Variants in ARHGAP17 observed in about 807,000 individuals in gnomAD.
ARHGAP17 encodes Rho GTPase activating protein 17.
Under a neutral mutation model 99.5 loss-of-function variants are expected in ARHGAP17, and 57 were observed. The ratio of observed to expected loss-of-function variants is 0.57; its 90% CI spans 0.46 to 0.71. ARHGAP17 has a LOEUF of 0.71. Among genes scored for constraint, ARHGAP17 ranks in the 30% least tolerant of loss-of-function variants. ARHGAP17 has a pLI of 0.00. For synonymous variants in ARHGAP17, 417 were observed against 429.6 expected, an observed-to-expected ratio of 0.97 and a Z score of 0.36; for missense variants, 1,000 against 1,122.4, an observed-to-expected ratio of 0.89 and a Z score of 1.56.
At chr16:24,921,550 G>A (rs1014231205) in intron 19 of ARHGAP17, among the ~76,000 whole-genome samples, 16 of 152,118 alleles carry the variant, frequency 1.1e-4, no homozygotes, top group Admixed American at 6.6e-5. Context: ...GCTTGAAAAC[G>A]CTGGTGCACT....
intron 1 of ARHGAP17, among the ~76,000 whole-genome samples, chr16:25,010,326 G>A (rs1023903701): frequency 5.9e-5 from 9 of 151,980 alleles, no homozygotes; most frequent in African/African-American, 1.9e-4. Flanking sequence ...CTCCTACCTC[G>A]GGCTCTCAAA....
At chr16:24,999,399 T>TTTTATTTATTTATTTA (rs138044912) in intron 1 of ARHGAP17, among the ~76,000 whole-genome samples, 1 of 149,390 alleles carries the variant, frequency 6.7e-6, no homozygotes, top group Non-Finnish European at 1.5e-5. Context: ...TCTACAGGTG[T>TTTTATTTATTTATTTA]TTTATTTATT....
In ARHGAP17 at chr16:24,964,239, C is replaced by T; in HGVS notation, c.531G>A (p.Lys177=). The T allele has an allele frequency of 1.2e-6, 2 of 1,613,798 alleles. No individual in the cohort carries two copies. Among genetic ancestry groups the T allele is most frequent in the Non-Finnish European group, 1.7e-6 (2 of 1,179,898 alleles). ...TATTTCCAGCTTCATCCATCTCTTC[C>T]TTTAGAGTATCTATTTTTGATGGAA... ...QGLPSKIDTL[K]EEMDEAGNKV... The change falls in exon 7 of 20, where the codon AAG becomes AAA. Residue 177 remains lysine, a synonymous_variant. Coordinates refer to ENST00000289968, the MANE Select transcript of ARHGAP17 (RefSeq NM_001006634.3).
In ARHGAP17 at chr16:24,935,625, T is replaced by A. The variant is rs2051119159; in HGVS notation, c.1739A>T (p.Lys580Met). ...SPGDGSPPKP[K>M]DPVSAAVPAP... ...TGGCACAGCTGCAGATACAGGGTCC[T>A]TCGGTTTGGGAGGACTAAGAGGAGT... Residue 580 changes from lysine (K) to methionine (M), a missense_variant, in exon 18 of 20, where the codon AAG (lysine) becomes ATG (methionine). Around this residue, in one of 2 missense-constraint regions of ARHGAP17, gnomAD observed 528 missense variants for 511.4 expected, o/e 1.03. Transcript: ENST00000289968. The A allele has an allele frequency of 6.2e-7, 1 of 1,613,934 alleles. No individual in the cohort carries two copies. The highest frequency in any genetic ancestry group is 8.5e-7 in the Non-Finnish European group (1 of 1,180,036).
At chr16:24,999,328 C>T (rs532552622) in intron 1 of ARHGAP17, among the ~76,000 whole-genome samples, 6 of 152,042 alleles carry the variant, frequency 3.9e-5, no homozygotes, top group African/African-American at 7.2e-5. Context: ...AATTAGTCAT[C>T]GTTTTAAATT....
At chr16:25,003,145 A>G (rs184466237) in intron 1 of ARHGAP17, among the ~76,000 whole-genome samples, 50 of 151,894 alleles carry the variant, frequency 3.3e-4, no homozygotes, top group Admixed American at 2.6e-3. Flanking sequence ...TTGATATTCA[A>G]TGTATAACAA....
intron 3 of ARHGAP17, among the ~76,000 whole-genome samples, chr16:24,971,647 G>C (rs2052367149): frequency 6.6e-6 from 1 of 152,132 alleles, no homozygotes; most frequent in South Asian, 2.1e-4. Context: ...TCTTAATTTG[G>C]CTATCATTCT....
At chr16:24,948,177 C>T (rs1461945289) in intron 13 of ARHGAP17, among the ~76,000 whole-genome samples, 3 of 152,084 alleles carry the variant, frequency 2.0e-5, no homozygotes, top group Non-Finnish European at 2.9e-5. Context: ...GAAAAATCTC[C>T]AAGATGTATT....
Position 24,930,958 on chromosome 16 carries a change from C to T in ARHGAP17, c.2341G>A (p.Gly781Arg). Residue 781 changes from glycine to arginine, a missense_variant, in exon 19 of 20, where the codon GGG becomes AGG. Gly to Arg is a moderately radical substitution (Grantham distance 125). Coordinates refer to ENST00000289968, the MANE Select transcript of ARHGAP17 (RefSeq NM_001006634.3). Reference protein sequence around the residue: ...PSLPAPQTLAGGNPETAQPHA... With the variant: ...PSLPAPQTLARGNPETAQPHA... Reference sequence around the variant, plus strand: ...GGCTGTGCAGTTTCAGGGTTACCCCCTGCCAGGGTCTGAGGAGCTGGCAGA... The same window carrying T: ...GGCTGTGCAGTTTCAGGGTTACCCCTTGCCAGGGTCTGAGGAGCTGGCAGA... The T allele has an allele frequency of 2.5e-6, 4 of 1,613,838 alleles. No homozygotes were observed. Among genetic ancestry groups the T allele is most frequent in the Non-Finnish European group, 3.4e-6 (4 of 1,179,926 alleles).
chr16:24,938,463 C>G (rs746960817), intron 17 of ARHGAP17, among the ~76,000 whole-genome samples: 1 of 152,032 alleles, frequency 6.6e-6, no homozygotes, highest in Non-Finnish European at 1.5e-5. Context: ...ACTAAAAGAG[C>G]CTTTTAAGAA....
In ARHGAP17 at chr16:24,935,459, T is replaced by TGGCTGCTTACCTC. The variant is rs761660993; in HGVS notation, c.1892_1894+10dup. 6.3e-7 allele frequency: 1 copy of TGGCTGCTTACCTC among 1,577,058 alleles called. No individual in the cohort carries two copies. Among genetic ancestry groups the TGGCTGCTTACCTC allele is most frequent in the South Asian group, 1.1e-5 (1 of 87,054 alleles). The stretch of plus-strand genomic sequence containing the variant: ...GCTTCCCTGAGGGCAAGGAGGACGG[T>TGGCTGCTTACCTC]GGCTGCTTACCTCGGCGCAGTGTAT... On this transcript the variant is annotated intron_variant, in intron 18 of 19. Transcript: ENST00000289968.
intron 14 of ARHGAP17, among the ~76,000 whole-genome samples, chr16:24,944,195 C>T (rs2051399370): frequency 6.6e-6 from 1 of 150,448 alleles, no homozygotes; most frequent in Non-Finnish European, 1.5e-5. Flanking sequence ...CGCTTGAACC[C>T]GGAAGATGGA....
intron 1 of ARHGAP17, among the ~76,000 whole-genome samples, chr16:24,992,166 T>C (rs1228998278): frequency 6.6e-6 from 1 of 151,906 alleles, no homozygotes; most frequent in Non-Finnish European, 1.5e-5. Context: ...CCACTGATGG[T>C]TTTTCAGTAA....
chr16:25,015,149 G>GCGCCCTC (rs1304603323), intron 1 of ARHGAP17, 60 bp downstream of exon 1: 150 of 824,066 alleles, frequency 1.8e-4, no homozygotes, highest in Middle Eastern at 1.3e-3. Context: ...TCCCGCCCCC[G>GCGCCCTC]CGCCCTCCGC....
chr16:24,982,990 ATATATATTTTTTTTTTT>A (rs1460542783), intron 1 of ARHGAP17, among the ~76,000 whole-genome samples: 6 of 32,466 alleles, frequency 1.8e-4, no homozygotes, highest in Admixed American at 6.4e-4. Flanking sequence ...ATATATATAT[ATATATATTTTTTTTTTT>A]TTTTTTTTTT....
intron 9 of ARHGAP17, chr16:24,954,945 G>T: frequency 1.7e-6 from 1 of 582,852 alleles, no homozygotes; most frequent in Non-Finnish European, 2.8e-6. Flanking sequence ...ACAGAAGCCT[G>T]AGCGTACCTA....
rs576887585 is a variant in ARHGAP17, at chr16:24,941,949, A to C, written c.1490+38T>G. 2.0e-5 allele frequency: 33 copies of C among 1,613,304 alleles called. No homozygotes were observed. The South Asian group carries it at 3.4e-4, about 17-fold the overall frequency. On this transcript the variant is annotated intron_variant, in intron 16 of 19. Transcript: ENST00000289968. The stretch of plus-strand genomic sequence containing the variant: ...CCAGATACCACGGGTCTAACAACAT[A>C]TTTACTGCTGGTTTGGAAGTGAACG...
At chr16:25,015,075 T>G (rs1597509536) in intron 1 of ARHGAP17, 134 bp downstream of exon 1, 2 of 877,120 alleles carry the variant, frequency 2.3e-6, no homozygotes, top group Admixed American at 5.2e-5. Context: ...CCCGGGCCCG[T>G]GCCCCGCTGG....
At chr16:24,953,160 G>C (rs2051695623) in intron 10 of ARHGAP17, 118 bp from the exon 11 acceptor site, 1 of 870,000 alleles carries the variant, frequency 1.1e-6, no homozygotes, top group South Asian at 1.6e-5. Context: ...TGAAAGCAGT[G>C]TTACTGCCTG....
Sources: allele counts gnomAD v4.1 joint callset (sites outside exome capture counted in the v4.1 genomes callset), GRCh38; gene constraint gnomAD v4.1.1; regional missense constraint gnomAD v4.1.1; transcripts MANE v1.5; gene names NCBI Gene and HGNC (gene_info 2026-07-23, HGNC 2026-07-21).